The following SMIM19 variants were observed in gnomAD, a reference collection of about 807,000 sequenced individuals.
SMIM19 encodes small integral membrane protein 19.
SMIM19 carries 6 observed loss-of-function variants against 13.2 expected under a neutral mutation model. The ratio of observed to expected loss-of-function variants is 0.45; its 90% confidence interval spans 0.25 to 0.90. The LOEUF (loss-of-function observed/expected upper bound fraction) is 0.90, where lower values mean the gene tolerates loss of function less well. Ranked by LOEUF, SMIM19 falls within the 40% of genes least tolerant of loss-of-function variation. SMIM19 has a pLI of 0.19. For synonymous variants in SMIM19, 46 were observed against 43.1 expected (o/e 1.07, Z -0.27); for missense variants, 138 against 131.0 (o/e 1.05, Z -0.26).
At chr8:42,546,246 AGTTG>A (rs1813477751) in intron 1 of SMIM19, among the ~76,000 whole-genome samples, 1 of 151,676 alleles carries the variant, frequency 6.6e-6, no homozygotes, top group Non-Finnish European at 1.5e-5. Flanking sequence ...TTCCATTCAC[AGTTG>A]GTTGATTATG....
Position 42,553,173 on chromosome 8 carries a change from G to A in SMIM19, c.*565G>A, listed in dbSNP as rs1212971448. On this transcript the variant is annotated 3_prime_UTR_variant, in exon 4 of 4. Transcript: ENST00000417410. ...AACGATTCTCCTGCCACAGCCTCCT[G>A]AATATTCTGTTAACAGCTCTTTAAT... is the stretch of plus-strand genomic sequence containing the variant. The A allele has an allele frequency of 1.3e-5, 2 of 151,182 alleles. No individual in the cohort carries two copies. The highest frequency in any genetic ancestry group is 4.9e-5 in the African/African-American group (2 of 41,028). 9.4% of individuals were successfully genotyped at this position (151,182 alleles called of 1,614,324 possible).
intron 3 of SMIM19, among the ~76,000 whole-genome samples, chr8:42,550,439 A>G (rs1184908204): frequency 1.3e-5 from 2 of 152,148 alleles, no homozygotes; most frequent in East Asian, 3.8e-4. Context: ...GGGTGCCTGC[A>G]TGGTTCTGTT....
At chr8:42,544,047 A>G (rs944258558) in intron 1 of SMIM19, among the ~76,000 whole-genome samples, 7 of 150,904 alleles carry the variant, frequency 4.6e-5, no homozygotes, top group African/African-American at 9.9e-5. Context: ...ATTACTTACT[A>G]TAAACCATAA....
chr8:42,545,407 A>G (rs1246343816), intron 1 of SMIM19, among the ~76,000 whole-genome samples: 1 of 152,154 alleles, frequency 6.6e-6, no homozygotes, highest in Admixed American at 6.5e-5. Flanking sequence ...CCAAAACTAG[A>G]TAAAGCTCTA....
At chr8:42,551,719 ATCGTTTGAGCCCAAGAG>A (rs1171706663) in intron 3 of SMIM19, among the ~76,000 whole-genome samples, 1 of 152,288 alleles carries the variant, frequency 6.6e-6, no homozygotes, top group South Asian at 2.1e-4. Context: ...AGGCAGGATG[ATCGTTTGAGCCCAAGAG>A]TTCAAAGACC....
Position 42,554,260 on chromosome 8 carries a change from G to A in SMIM19, c.*1652G>A, listed in dbSNP as rs749754647. Reference sequence around the variant, plus strand: ...AAGGATTGTAAACAGTTGTAATTATGGGTTGTAGTAACAGAGCAACAAGGG... The same window carrying A: ...AAGGATTGTAAACAGTTGTAATTATAGGTTGTAGTAACAGAGCAACAAGGG... On this transcript the variant is annotated 3_prime_UTR_variant, in exon 4 of 4. Coordinates refer to ENST00000417410, the MANE Select transcript of SMIM19 (RefSeq NM_001135674.2). The A allele has an allele frequency of 6.6e-6, 1 of 152,162 alleles. No individual in the cohort carries two copies. The highest frequency in any genetic ancestry group is 1.5e-5 in the Non-Finnish European group (1 of 68,030). 9.4% of individuals were successfully genotyped at this position (152,162 alleles called of 1,614,324 possible). A position where few individuals can be genotyped will look rare whatever the true frequency, so the allele number is the denominator to read the frequency against.
intron 3 of SMIM19, among the ~76,000 whole-genome samples, chr8:42,551,973 A>G (rs148345311): frequency 1.2e-4 from 19 of 152,312 alleles, no homozygotes; most frequent in South Asian, 4.1e-4. Context: ...AAATTTTAAT[A>G]GCTTAATGTT....
chr8:42,551,539 GTTT>G (rs1466799898), intron 3 of SMIM19, among the ~76,000 whole-genome samples: 2 of 152,036 alleles, frequency 1.3e-5, no homozygotes, highest in Admixed American at 1.3e-4. Flanking sequence ...AGCCTGTTAG[GTTT>G]TTAAGTTAAA....
intron 1 of SMIM19, among the ~76,000 whole-genome samples, chr8:42,542,775 A>G: frequency 6.6e-6 from 1 of 151,748 alleles, no homozygotes; most frequent in East Asian, 1.9e-4. Context: ...CAGCCTGGGC[A>G]GTATAGTGAG....
intron 3 of SMIM19, among the ~76,000 whole-genome samples, chr8:42,551,380 T>C (rs554785439): frequency 6.6e-6 from 1 of 152,208 alleles, no homozygotes; most frequent in African/African-American, 2.4e-5. Context: ...ACACAAAGAT[T>C]TTTAGCCCTG....
chr8:42,546,519 A>G lies in SMIM19; in HGVS notation c.47A>G (p.Tyr16Cys). Residue 16 changes from tyrosine to cysteine, a missense_variant, in exon 2 of 4, where the codon TAT (tyrosine) becomes TGT (cysteine). Transcript: ENST00000417410. ...GVMGDDGSID[Y>C]TVHEAWNEAT... The stretch of plus-strand genomic sequence containing the variant: ...ATGGGTGACGATGGTTCTATTGATT[A>G]TACTGTTCACGAAGCCTGGAATGAA... 6.2e-7 allele frequency: 1 copy of G among 1,614,180 alleles called. No homozygotes were observed. The highest frequency in any genetic ancestry group is 8.5e-7 in the Non-Finnish European group (1 of 1,180,028).
chr8:42,552,632 A>G lies in SMIM19; in HGVS notation c.*24A>G, dbSNP rs761918301. 2 of 1,612,412 alleles carry G rather than the reference A, an allele frequency of 1.2e-6. No individual in the cohort carries two copies. The highest frequency in any genetic ancestry group is 1.7e-6 in the Non-Finnish European group (2 of 1,178,898). ...GAAACCTCAGAAAAAGAGCAACAGAAGTAATTGTTTCAAGCTCCTGATTCT... is the reference window on the plus strand; with the variant it reads ...GAAACCTCAGAAAAAGAGCAACAGAGGTAATTGTTTCAAGCTCCTGATTCT... On this transcript the variant is annotated 3_prime_UTR_variant, in exon 4 of 4. Transcript: ENST00000417410.
intron 1 of SMIM19, 152 bp downstream of exon 1, chr8:42,542,525 C>T: frequency 4.4e-5 from 42 of 951,680 alleles, no homozygotes; most frequent in Non-Finnish European, 5.1e-5. Context: ...TAACAAAGTT[C>T]TAAGTGAGAG....
At chr8:42,551,090 G>A (rs1032919576) in intron 3 of SMIM19, among the ~76,000 whole-genome samples, 13 of 151,276 alleles carry the variant, frequency 8.6e-5, no homozygotes, top group East Asian at 1.9e-4. Flanking sequence ...AGGCCGAGGC[G>A]GGTGGATCAC....
chr8:42,543,339 T>A (rs1563566175), intron 1 of SMIM19, among the ~76,000 whole-genome samples: 1 of 152,142 alleles, frequency 6.6e-6, no homozygotes, highest in Non-Finnish European at 1.5e-5. Context: ...CACTCCTTAC[T>A]CCTGGCAGCC....
intron 3 of SMIM19, among the ~76,000 whole-genome samples, chr8:42,550,683 G>A (rs1474122564): frequency 6.6e-6 from 1 of 152,140 alleles, no homozygotes; most frequent in African/African-American, 2.4e-5. Context: ...ATCTCCCCAT[G>A]TCAAGGTCCC....
chr8:42,550,823 A>G (rs1180101461), intron 3 of SMIM19, among the ~76,000 whole-genome samples: 1 of 152,160 alleles, frequency 6.6e-6, no homozygotes, highest in East Asian at 1.9e-4. Context: ...GGATTTGCAC[A>G]TTTAATGAAT....
intron 1 of SMIM19, among the ~76,000 whole-genome samples, chr8:42,545,580 C>T (rs148731746): frequency 1.0e-3 from 152 of 152,258 alleles, no homozygotes; most frequent in African/African-American, 3.1e-3. Flanking sequence ...ACCCAGGCTG[C>T]ATTGCAACTG....
chr8:42,541,227 CGA>C (rs1442938263), upstream of SMIM19: 1 of 152,006 alleles, frequency 6.6e-6, no homozygotes, highest in African/African-American at 2.4e-5. Context: ...CCACTTCCGT[CGA>C]GTTTTCGCAA....
Sources: gnomAD v4.1 joint callset for allele counts (sites outside exome capture counted in the v4.1 genomes callset) on GRCh38, gnomAD v4.1.1 for gene constraint, MANE v1.5 for transcripts, NCBI Gene and HGNC (gene_info 2026-07-23, HGNC 2026-07-21) for gene names.